DNAI3: variants seen among roughly 807,000 people sequenced by gnomAD.
DNAI3 encodes the protein WD repeat domain 63.
Under a neutral mutation model 115.5 loss-of-function variants are expected in DNAI3, and 83 were observed. The ratio of observed to expected loss-of-function variants is 0.72; its 90% CI spans 0.60 to 0.86. The LOEUF (loss-of-function observed/expected upper bound fraction) is 0.86. Ranked by LOEUF, DNAI3 falls within the 40% of genes least tolerant of loss-of-function variation. The pLI, the probability that DNAI3 is intolerant of heterozygous loss-of-function variation, is 0.00. For synonymous variants in DNAI3, 320 were observed against 347.0 expected, an observed-to-expected ratio of 0.92 and a Z score of 0.86; for missense variants, 1,004 against 1,075.8, an observed-to-expected ratio of 0.93 and a Z score of 0.93.
chr1:85,132,079 A>G (rs991840507), intron 22 of DNAI3, among the ~76,000 whole-genome samples: 1 of 152,216 alleles, frequency 6.6e-6, no homozygotes, highest in African/African-American at 2.4e-5. Flanking sequence ...GAACATAAAA[A>G]AAGTCACTAA....
At position 85,084,708 on chromosome 1, in the gene DNAI3, T is replaced by C; in HGVS notation, c.540+13T>C. The stretch of plus-strand genomic sequence containing the variant: ...ATCTACAAAGCAGGTTAGAGGGTTA[T>C]ATATGATCTGTAATCATTACCTCCC... On this transcript the variant is annotated intron_variant, in intron 6 of 22. Coordinates refer to ENST00000294664, the MANE Select transcript of DNAI3 (RefSeq NM_145172.5). The C allele has an allele frequency of 6.8e-7, 1 of 1,471,848 alleles. No individual in the cohort carries two copies. Among genetic ancestry groups the C allele is most frequent in the Non-Finnish European group, 9.0e-7 (1 of 1,108,658 alleles). The allele number at this position is 1,471,848 out of a possible 1,614,324, so 91.2% of individuals were successfully genotyped here.
intron 13 of DNAI3, 39 bp from the exon 14 acceptor site, chr1:85,104,485 G>A (rs1296933592): frequency 6.4e-7 from 1 of 1,560,204 alleles, no homozygotes; most frequent in Non-Finnish European, 8.8e-7. Flanking sequence ...ATAGCTATGA[G>A]AAAAACAATT....
chr1:85,109,022 A>T (rs1214532827), intron 15 of DNAI3, among the ~76,000 whole-genome samples: 1 of 152,224 alleles, frequency 6.6e-6, no homozygotes, highest in Admixed American at 6.5e-5. Flanking sequence ...AATAGAAGGA[A>T]CTGGTATTGT....
At chr1:85,100,354 C>A (rs1457901987) in intron 13 of DNAI3, among the ~76,000 whole-genome samples, 1 of 152,028 alleles carries the variant, frequency 6.6e-6, no homozygotes, top group Non-Finnish European at 1.5e-5. Flanking sequence ...TTTATGCAGC[C>A]AAAAAACACA....
chr1:85,076,950 C>T (rs1654475515), intron 3 of DNAI3, among the ~76,000 whole-genome samples: 1 of 152,140 alleles, frequency 6.6e-6, no homozygotes, highest in Admixed American at 6.5e-5. Flanking sequence ...CTTCACCTTC[C>T]TGAGCCTCTG....
intron 11 of DNAI3, 52 bp from the exon 12 acceptor site, chr1:85,097,517 C>T (rs957875108): frequency 6.7e-7 from 1 of 1,501,144 alleles, no homozygotes; most frequent in East Asian, 2.4e-5. Flanking sequence ...AAAATTAAGA[C>T]TCAATTAGAT....
intron 4 of DNAI3, 86 bp from the exon 5 acceptor site, chr1:85,082,214 T>C: frequency 9.6e-7 from 1 of 1,045,646 alleles, no homozygotes; most frequent in Non-Finnish European, 1.4e-6. Context: ...ATTGGTTGAT[T>C]AGCGAAATGT....
chr1:85,090,205 T>C lies in DNAI3; in HGVS notation c.830T>C (p.Val277Ala), dbSNP rs2100576702. Residue 277 changes from valine to alanine, a missense_variant, in exon 8 of 23, where the codon GTT (valine) becomes GCT (alanine). Val to Ala is a moderately conservative substitution (Grantham distance 64, BLOSUM62 0). Around this residue, in one of 3 missense-constraint regions of DNAI3, gnomAD observed 550 missense variants for 568.1 expected, o/e 0.97. Transcript: ENST00000294664. ...ACACTCAAACAATCAAAGCCTTTGG[T>C]TGATTTTCTTAACAATGCATCCATA... ...KETLKQSKPL[V>A]DFLNNASISV... 3.8e-6 allele frequency: 6 copies of C among 1,576,162 alleles called. No individual in the cohort carries two copies. The highest frequency in any genetic ancestry group is 5.2e-6 in the Non-Finnish European group (6 of 1,165,020).
chr1:85,087,421 C>A lies in DNAI3; in HGVS notation c.740+1391C>A, dbSNP rs981728043. The stretch of plus-strand genomic sequence containing the variant: ...ACTGCACTCCAGCCTGGTGATAGAG[C>A]TAGACTCCATCTCAAAAAAAAAAAA... On this transcript the variant is annotated intron_variant, in intron 7 of 22. Transcript: ENST00000294664. 8.3e-5 allele frequency among the ~76,000 whole-genome samples: 9 copies of A among 108,306 alleles called. No individual in the cohort carries two copies. The Admixed American group carries it at 1.3e-3, about 16-fold the overall frequency. The allele number at this position is 108,306 out of a possible 152,430, so 71.1% of individuals were successfully genotyped here.
intron 13 of DNAI3, among the ~76,000 whole-genome samples, chr1:85,100,138 A>C (rs904104990): frequency 7.9e-5 from 12 of 152,216 alleles, no homozygotes; most frequent in African/African-American, 2.4e-4. Context: ...TAATTAAACT[A>C]AAGAGCTTCT....
intron 17 of DNAI3, 48 bp downstream of exon 17, chr1:85,117,907 AAT>A: frequency 6.3e-7 from 1 of 1,580,682 alleles, no homozygotes; most frequent in Non-Finnish European, 8.6e-7. Context: ...TTTATACTAA[AAT>A]ATGTTATTAC....
intron 8 of DNAI3, among the ~76,000 whole-genome samples, chr1:85,093,226 G>C (rs778026539): frequency 1.7e-4 from 26 of 152,214 alleles, no homozygotes; most frequent in Non-Finnish European, 2.4e-4. Flanking sequence ...GCCTTGGCTT[G>C]GAAACTGAGG....
intron 1 of DNAI3, among the ~76,000 whole-genome samples, chr1:85,067,653 A>C (rs1049852635): frequency 6.6e-6 from 1 of 152,206 alleles, no homozygotes; most frequent in African/African-American, 2.4e-5. Context: ...ACATAGGGAG[A>C]TTATCCTGGA....
rs1399952373 is a variant in DNAI3, at chr1:85,117,805, C to G, written c.1863C>G (p.Ala621=). 6.8e-6 allele frequency: 11 copies of G among 1,613,848 alleles called. No homozygotes were observed. The highest frequency in any genetic ancestry group is 9.3e-6 in the Non-Finnish European group (11 of 1,179,808). The part of the protein sequence containing the change: ...NPYHNLESGM[A]NLLKPIDDFC... ...ATCATAATCTGGAAAGTGGGATGGC[C>G]AATCTTCTCAAGCCAATAGATGACT... Residue 621 remains alanine, a synonymous_variant, in exon 17 of 23, where the codon GCC becomes GCG. Transcript: ENST00000294664.
intron 18 of DNAI3, among the ~76,000 whole-genome samples, chr1:85,122,711 G>A (rs1228387712): frequency 6.6e-6 from 1 of 152,192 alleles, no homozygotes; most frequent in African/African-American, 2.4e-5. Context: ...AAGTGTGAGT[G>A]ACTGACAGGG....
chr1:85,128,396 TG>T (rs1422559699), intron 20 of DNAI3, among the ~76,000 whole-genome samples: 2 of 152,178 alleles, frequency 1.3e-5, no homozygotes, highest in African/African-American at 4.8e-5. Context: ...GTATGCCCAG[TG>T]GGCCCAGCCA....
intron 10 of DNAI3, among the ~76,000 whole-genome samples, chr1:85,095,678 A>G (rs754405071): frequency 1.3e-5 from 2 of 152,178 alleles, no homozygotes; most frequent in African/African-American, 4.8e-5. Flanking sequence ...ATTTGTTTCC[A>G]CTGAGGGGTG....
At chr1:85,082,685 A>C (rs1654670766) in intron 5 of DNAI3, among the ~76,000 whole-genome samples, 1 of 152,194 alleles carries the variant, frequency 6.6e-6, no homozygotes, top group Non-Finnish European at 1.5e-5. Flanking sequence ...AGCAGAAGGA[A>C]GCAGAAGCGG....
chr1:85,072,245 T>C (rs961984725), intron 2 of DNAI3, among the ~76,000 whole-genome samples: 3 of 152,246 alleles, frequency 2.0e-5, no homozygotes, highest in African/African-American at 7.2e-5. Context: ...GATAACAGTG[T>C]GAAAGACAAT....
Sources: gnomAD v4.1 joint callset for allele counts (sites outside exome capture counted in the v4.1 genomes callset) on GRCh38, gnomAD v4.1.1 for gene constraint, gnomAD v4.1.1 regional missense constraint, MANE v1.5 for transcripts, NCBI Gene and HGNC (gene_info 2026-07-23, HGNC 2026-07-21) for gene names.